Variants in ADGRL2 observed in about 807,000 individuals in gnomAD.
The protein encoded by ADGRL2 is calcium-independent alpha-latrotoxin receptor 2.
In ADGRL2, 44 loss-of-function variants were observed where a neutral mutation model predicts 157.4. The ratio of observed to expected loss-of-function variants is 0.28; its 90% CI spans 0.22 to 0.36. ADGRL2 has a LOEUF of 0.36. Among genes scored for constraint, ADGRL2 ranks in the 10% least tolerant of loss-of-function variants. ADGRL2 has a pLI of 1.00. For synonymous variants in ADGRL2, 585 were observed against 624.7 expected, an observed-to-expected ratio of 0.94 and a Z score of 0.95; for missense variants, 1,510 against 1,768.9, an observed-to-expected ratio of 0.85 and a Z score of 2.63.
chr1:81,866,001 G>A (rs918288567), intron 2 of ADGRL2, among the ~76,000 whole-genome samples: 1 of 151,980 alleles, frequency 6.6e-6, no homozygotes, highest in East Asian at 1.9e-4. Context: ...AAAATGTTTT[G>A]GTAACTTACT....
chr1:81,977,056 G>T (rs1374217171), intron 17 of ADGRL2, among the ~76,000 whole-genome samples: 1 of 151,840 alleles, frequency 6.6e-6, no homozygotes, highest in East Asian at 1.9e-4. Context: ...AATTTTATAT[G>T]GGAAGTCTGT....
At chr1:81,755,237 T>C (rs192251962) in intron 1 of ADGRL2, among the ~76,000 whole-genome samples, 3 of 149,426 alleles carry the variant, frequency 2.0e-5, no homozygotes, top group Admixed American at 2.0e-4. Flanking sequence ...TATATCTTCA[T>C]ACATGGGGGT....
At chr1:81,940,343 G>A (rs1247571287) in intron 4 of ADGRL2, among the ~76,000 whole-genome samples, 1 of 151,520 alleles carries the variant, frequency 6.6e-6, no homozygotes, top group African/African-American at 2.4e-5. Flanking sequence ...ACGCCCTTCC[G>A]TTATTGATTC....
intron 2 of ADGRL2, among the ~76,000 whole-genome samples, chr1:81,573,412 T>C (rs1251325406): frequency 1.3e-5 from 2 of 152,186 alleles, no homozygotes; most frequent in African/African-American, 4.8e-5. Flanking sequence ...TCTGTTTCTT[T>C]GCTTCCTCTC....
intron 3 of ADGRL2, among the ~76,000 whole-genome samples, chr1:81,687,351 G>A (rs1312057157): frequency 1.3e-5 from 2 of 152,184 alleles, no homozygotes; most frequent in East Asian, 3.8e-4. Context: ...GTTTAGGATT[G>A]TGATATTTTC....
At chr1:81,617,410 A>C (rs1028272860) in intron 3 of ADGRL2, among the ~76,000 whole-genome samples, 4 of 152,170 alleles carry the variant, frequency 2.6e-5, no homozygotes, top group African/African-American at 9.7e-5. Flanking sequence ...AAGATTGGGG[A>C]CTGCTAGTCT....
At chr1:81,484,971 A>C (rs2078469590) in intron 2 of ADGRL2, among the ~76,000 whole-genome samples, 1 of 152,120 alleles carries the variant, frequency 6.6e-6, no homozygotes, top group Non-Finnish European at 1.5e-5. Context: ...TTGGTAATTG[A>C]GTCAGAAACC....
At chr1:81,553,979 C>T (rs4586018) in intron 2 of ADGRL2, among the ~76,000 whole-genome samples, 15,773 of 152,122 alleles carry the variant, frequency 0.1, 948 homozygotes, top group South Asian at 0.14. Context: ...ATCTAAAGGC[C>T]CTGTAGATGA....
chr1:81,835,508 T>A (rs1467022149), intron 1 of ADGRL2, among the ~76,000 whole-genome samples: 1 of 152,142 alleles, frequency 6.6e-6, no homozygotes, highest in Non-Finnish European at 1.5e-5. Flanking sequence ...TTGAATAGTC[T>A]ATGGGAGCTC....
chr1:81,938,278 A>G (rs1293875630), intron 4 of ADGRL2, among the ~76,000 whole-genome samples: 1 of 151,712 alleles, frequency 6.6e-6, no homozygotes, highest in African/African-American at 2.4e-5. Context: ...TCTGTCTTCA[A>G]ATTAGAGAAG....
chr1:81,366,777 T>C (rs2076074480), intron 1 of ADGRL2, among the ~76,000 whole-genome samples: 1 of 152,034 alleles, frequency 6.6e-6, no homozygotes, highest in Non-Finnish European at 1.5e-5. Context: ...TCTTTTCAGG[T>C]CTGTGATTTT....
intron 2 of ADGRL2, among the ~76,000 whole-genome samples, chr1:81,542,415 C>A (rs753004904): frequency 5.9e-5 from 9 of 152,192 alleles, no homozygotes; most frequent in Non-Finnish European, 1.2e-4. Context: ...TAAATGCCCC[C>A]TGTAGTTTCA....
At chr1:81,549,958 A>G (rs954273294) in intron 2 of ADGRL2, among the ~76,000 whole-genome samples, 6 of 152,236 alleles carry the variant, frequency 3.9e-5, no homozygotes, top group African/African-American at 1.4e-4. Flanking sequence ...AAAAAATTAC[A>G]AAAAGAAAAG....
chr1:81,734,294 T>TA (rs1403717481), intron 1 of ADGRL2, among the ~76,000 whole-genome samples: 2 of 151,214 alleles, frequency 1.3e-5, no homozygotes, highest in African/African-American at 4.9e-5. Context: ...AAAAAAAAGT[T>TA]AAAAAACATT....
chr1:81,455,333 G>A (rs564278222), intron 2 of ADGRL2, among the ~76,000 whole-genome samples: 1 of 152,308 alleles, frequency 6.6e-6, no homozygotes, highest in Admixed American at 6.5e-5. Flanking sequence ...GAGGCAGGAT[G>A]CACAAGGATG....
chr1:81,990,920 G>A lies in ADGRL2; in HGVS notation c.4185G>A (p.Glu1395=). ...MPNLRDSPYP[E]SSPDMEEDLS... ...ATCTTAGAGACTCTCCCTATCCGGA[G>A]AGCAGCCCTGACATGGAAGAAGACC... The change falls in exon 24 of 24, where the codon GAG becomes GAA. Residue 1395 remains glutamate (E), a synonymous_variant. Transcript: ENST00000686636. 6.2e-7 allele frequency: 1 copy of A among 1,614,068 alleles called. No individual in the cohort carries two copies. Among genetic ancestry groups the A allele is most frequent in the Non-Finnish European group, 8.5e-7 (1 of 1,180,002 alleles).
At chr1:81,307,639 A>G (rs1659437723) in intron 1 of ADGRL2, among the ~76,000 whole-genome samples, 1 of 152,218 alleles carries the variant, frequency 6.6e-6, no homozygotes, top group African/African-American at 2.4e-5. Flanking sequence ...GAACATAAGC[A>G]GTAAACAAAG....
At chr1:81,502,440 A>C in intron 2 of ADGRL2, 1 of 1,614,072 alleles carries the variant, frequency 6.2e-7, no homozygotes, top group Non-Finnish European at 8.5e-7. Flanking sequence ...GAAAGGAAAG[A>C]GTTCCTGGAT....
At position 81,642,059 on chromosome 1, in the gene ADGRL2, G is replaced by A. The variant is rs544098211; in HGVS notation, c.-143+61079G>A. On this transcript the variant is annotated intron_variant, in intron 3 of 24. Coordinates refer to the ADGRL2 transcript ENST00000370721. Reference sequence around the variant, plus strand: ...AATACTATGCAGCCTGGCCAACATGGCAAAACCCTCTCTCTACTAAACATA... The same window carrying A: ...AATACTATGCAGCCTGGCCAACATGACAAAACCCTCTCTCTACTAAACATA... 2.6e-3 allele frequency among the ~76,000 whole-genome samples: 384 copies of A among 149,432 alleles called. 4 individuals carry two copies. Among genetic ancestry groups the A allele is most frequent in the Middle Eastern group, 0.01 (3 of 292 alleles).
Sources: allele counts gnomAD v4.1 joint callset (sites outside exome capture counted in the v4.1 genomes callset), GRCh38; gene constraint gnomAD v4.1.1; transcripts MANE v1.5; gene names NCBI Gene and HGNC (gene_info 2026-07-23, HGNC 2026-07-21).